The following MECOM variants were observed in gnomAD, a reference collection of about 807,000 sequenced individuals.
MECOM encodes the protein histone-lysine N-methyltransferase MECOM.
In MECOM, 13 loss-of-function variants were observed where a neutral mutation model predicts 116.3. The ratio of observed to expected loss-of-function variants is 0.11; its 90% CI spans 0.07 to 0.18. The LOEUF (loss-of-function observed/expected upper bound fraction) is 0.18, where lower values mean the gene tolerates loss of function less well. Ranked by LOEUF, MECOM falls within the 10% of genes least tolerant of loss-of-function variation. The pLI, the probability that MECOM is intolerant of heterozygous loss-of-function variation, is 1.00. For synonymous variants in MECOM, 528 were observed against 535.2 expected (o/e 0.99, Z 0.19); for missense variants, 1,299 against 1,509.0 (o/e 0.86, Z 2.31).
chr3:169,246,524 A>G (rs1755599272), intron 2 of MECOM, among the ~76,000 whole-genome samples: 2 of 147,448 alleles, frequency 1.4e-5, no homozygotes, highest in African/African-American at 2.5e-5. Context: ...CAGTACACAT[A>G]CACTTTTTTT....
chr3:169,586,742 C>T (rs1765821661), intron 1 of MECOM, among the ~76,000 whole-genome samples: 1 of 152,176 alleles, frequency 6.6e-6, no homozygotes, highest in Non-Finnish European at 1.5e-5. Flanking sequence ...TTTAATAGAT[C>T]TCTATGTCTA....
At chr3:169,550,820 C>CTTTTTT (rs35343157) in intron 1 of MECOM, among the ~76,000 whole-genome samples, 4 of 91,664 alleles carry the variant, frequency 4.4e-5, no homozygotes, top group South Asian at 4.7e-4. Flanking sequence ...GTTCCCTTTC[C>CTTTTTT]TTTTTTTTTT....
In MECOM at chr3:169,321,413, G is replaced by A. The variant is rs139061478; in HGVS notation, c.375+59774C>T. ...AAATTAGCTGGGCATGGTGGCACGC[G>A]CCTTTACTCACAGCTACTTGGGAGG... On this transcript the variant is annotated intron_variant, in intron 2 of 16. Transcript: ENST00000651503. Among the ~76,000 whole-genome samples the A allele has an allele frequency of 7.7e-3, 1,178 of 152,132 alleles. 8 individuals are homozygous for A. The highest frequency in any genetic ancestry group is 0.014 in the African/African-American group (596 of 41,508).
intron 1 of MECOM, among the ~76,000 whole-genome samples, chr3:169,397,956 C>T (rs1407466178): frequency 6.6e-6 from 1 of 152,118 alleles, no homozygotes; most frequent in Non-Finnish European, 1.5e-5. Flanking sequence ...GTATCATTTT[C>T]TTCTGGGCTG....
intron 1 of MECOM, among the ~76,000 whole-genome samples, chr3:169,420,677 G>A (rs541093077): frequency 6.6e-6 from 1 of 152,168 alleles, no homozygotes; most frequent in East Asian, 1.9e-4. Context: ...TCAAGGAATA[G>A]GCTTGACTCA....
intron 10 of MECOM, among the ~76,000 whole-genome samples, chr3:169,106,502 C>A (rs1259357778): frequency 6.6e-6 from 1 of 151,980 alleles, no homozygotes; most frequent in Non-Finnish European, 1.5e-5. Context: ...TTAATATTTC[C>A]TACTAATATC....
At chr3:169,599,759 A>G (rs75570500) in intron 1 of MECOM, among the ~76,000 whole-genome samples, 2,065 of 152,270 alleles carry the variant, frequency 0.014, 54 homozygotes, top group African/African-American at 0.047. Flanking sequence ...GGAAAGAATC[A>G]AATACACTCA....
chr3:169,292,209 G>A (rs778259064), intron 2 of MECOM, among the ~76,000 whole-genome samples: 1 of 152,018 alleles, frequency 6.6e-6, no homozygotes, highest in Non-Finnish European at 1.5e-5. Context: ...TGGGCATGGT[G>A]GAGTGCATCT....
chr3:169,373,543 C>G (rs527534198), intron 2 of MECOM, among the ~76,000 whole-genome samples: 56 of 151,964 alleles, frequency 3.7e-4, no homozygotes, highest in African/African-American at 1.3e-3. Context: ...CGGCTAATGA[C>G]GTGGGGCAGT....
At chr3:169,532,766 T>C (rs1036993203) in intron 1 of MECOM, among the ~76,000 whole-genome samples, 1 of 144,052 alleles carries the variant, frequency 6.9e-6, no homozygotes, top group Admixed American at 6.8e-5. Context: ...CTACCCCACA[T>C]GCACACACAA....
intron 1 of MECOM, among the ~76,000 whole-genome samples, chr3:169,536,991 C>T (rs1482943422): frequency 6.6e-6 from 1 of 152,184 alleles, no homozygotes; most frequent in African/African-American, 2.4e-5. Context: ...GGCCCCACAA[C>T]TACTGAGGGG....
At chr3:169,428,224 T>C (rs561568650) in intron 1 of MECOM, among the ~76,000 whole-genome samples, 2 of 152,348 alleles carry the variant, frequency 1.3e-5, no homozygotes, top group Admixed American at 6.5e-5. Context: ...ACAAAATAAA[T>C]GTCTGTTGTT....
Position 169,115,817 on chromosome 3 carries a change from T to A in MECOM, c.2055A>T (p.Lys685Asn). 1 of 1,614,086 alleles carries A rather than the reference T, an allele frequency of 6.2e-7. No individual in the cohort carries two copies. Among genetic ancestry groups the A allele is most frequent in the South Asian group, 1.1e-5 (1 of 91,084 alleles). Residue 685 changes from lysine (K) to asparagine (N), a missense_variant, in exon 8 of 17, where the codon AAA becomes AAT. Transcript: ENST00000651503. ...STGLVGLQDK[K>N]VGALPYPSMF... Reference sequence around the variant, plus strand: ...TGGAAGGGTAAGGTAAAGCTCCAACTTTTTTGTCTTGCAGCCCCACCAGTC... The same window carrying A: ...TGGAAGGGTAAGGTAAAGCTCCAACATTTTTGTCTTGCAGCCCCACCAGTC...
intron 1 of MECOM, among the ~76,000 whole-genome samples, chr3:169,383,179 A>C (rs1259043147): frequency 6.6e-6 from 1 of 152,216 alleles, no homozygotes; most frequent in Non-Finnish European, 1.5e-5. Flanking sequence ...TGTGAAGTGT[A>C]AAGTGATAGC....
intron 4 of MECOM, among the ~76,000 whole-genome samples, chr3:169,129,072 G>A (rs538680484): frequency 2.6e-5 from 4 of 152,232 alleles, no homozygotes; most frequent in East Asian, 3.9e-4. Flanking sequence ...ATGTTTTGGG[G>A]GGAATACTTT....
chr3:169,133,845 A>G (rs1354068716), intron 3 of MECOM: 8 of 1,052,146 alleles, frequency 7.6e-6, no homozygotes, highest in South Asian at 2.6e-5. Context: ...TTATAAGTAC[A>G]CTGTTTCATT....
chr3:169,483,002 A>AC (rs1458713173), intron 1 of MECOM, among the ~76,000 whole-genome samples: 3 of 152,132 alleles, frequency 2.0e-5, no homozygotes, highest in Admixed American at 6.5e-5. Context: ...CAGAGGTTTC[A>AC]CTTTGGTCCA....
At chr3:169,549,047 C>T (rs1365071256) in intron 1 of MECOM, among the ~76,000 whole-genome samples, 1 of 149,538 alleles carries the variant, frequency 6.7e-6, no homozygotes, top group Admixed American at 6.7e-5. Flanking sequence ...GATCTCAGCT[C>T]ACTGCAACCT....
intron 2 of MECOM, among the ~76,000 whole-genome samples, chr3:169,181,414 T>C (rs1159774922): frequency 2.6e-5 from 4 of 152,152 alleles, no homozygotes; most frequent in African/African-American, 7.2e-5. Flanking sequence ...ATATAGAACA[T>C]TTTCATCTTT....
Sources: gnomAD v4.1 joint callset for allele counts (sites outside exome capture counted in the v4.1 genomes callset) on GRCh38, gnomAD v4.1.1 for gene constraint, MANE v1.5 for transcripts, NCBI Gene and HGNC (gene_info 2026-07-23, HGNC 2026-07-21) for gene names.